PJA2: variants seen among roughly 807,000 people sequenced by gnomAD.
PJA2 encodes the protein praja ring finger ubiquitin ligase 2.
PJA2 carries 25 observed loss-of-function variants against 69.3 expected under a neutral mutation model. The observed-to-expected ratio is 0.36, with a 90% CI of 0.26 to 0.50. PJA2 has a LOEUF of 0.50. Ranked by LOEUF, PJA2 falls within the 20% of genes least tolerant of loss-of-function variation. PJA2 has a pLI of 0.96. For synonymous variants in PJA2, 308 were observed against 277.8 expected, an observed-to-expected ratio of 1.11 and a Z score of -1.08; for missense variants, 809 against 830.2, an observed-to-expected ratio of 0.97 and a Z score of 0.31.
At chr5:109,385,924 A>G (rs1477575097) in intron 1 of PJA2, among the ~76,000 whole-genome samples, 3 of 152,190 alleles carry the variant, frequency 2.0e-5, no homozygotes, top group Non-Finnish European at 2.9e-5. Flanking sequence ...GTAATTTTAT[A>G]CAATACTTTT....
chr5:109,372,095 T>C (rs1365765856), intron 4 of PJA2, among the ~76,000 whole-genome samples: 5 of 152,240 alleles, frequency 3.3e-5, no homozygotes, highest in Non-Finnish European at 5.9e-5. Flanking sequence ...CATTAAGTCC[T>C]GAATTTGATG....
At chr5:109,397,956 C>A (rs1023975906) in intron 1 of PJA2, among the ~76,000 whole-genome samples, 1 of 152,008 alleles carries the variant, frequency 6.6e-6, no homozygotes, top group Non-Finnish European at 1.5e-5. Context: ...AACAAACTTA[C>A]AAGAAAAAAA....
At chr5:109,358,996 C>A (rs1582597501) in intron 6 of PJA2, among the ~76,000 whole-genome samples, 2 of 152,142 alleles carry the variant, frequency 1.3e-5, no homozygotes, top group African/African-American at 4.8e-5. Context: ...GGGGCTTGAG[C>A]TGGGTAGGTG....
intron 4 of PJA2, among the ~76,000 whole-genome samples, chr5:109,376,812 T>G (rs1233819251): frequency 6.6e-6 from 1 of 152,172 alleles, no homozygotes; most frequent in South Asian, 2.1e-4. Flanking sequence ...GATTTAGAAC[T>G]ACTACTTAAC....
In PJA2 at chr5:109,369,246, G is replaced by T. The variant is rs565677210; in HGVS notation, c.1284-500C>A. On this transcript the variant is annotated intron_variant, in intron 4 of 9. Coordinates refer to ENST00000361189, the MANE Select transcript of PJA2 (RefSeq NM_014819.5). Reference sequence around the variant, plus strand: ...ATGAACTAATACACCAGACATCATAGTATAGAGTGGAGTGTCGATGCCACA... The same window carrying T: ...ATGAACTAATACACCAGACATCATATTATAGAGTGGAGTGTCGATGCCACA... Among the ~76,000 whole-genome samples, 4 of 152,306 alleles carry T rather than the reference G, an allele frequency of 2.6e-5. No individual in the cohort carries two copies. In the South Asian group the frequency reaches 8.3e-4, roughly 32 times the overall value.
intron 7 of PJA2, among the ~76,000 whole-genome samples, chr5:109,349,802 T>A (rs973308340): frequency 1.1e-4 from 17 of 152,186 alleles, no homozygotes; most frequent in Admixed American, 1.1e-3. Flanking sequence ...CTTTATTTCC[T>A]CCTAGCCAAT....
At chr5:109,371,549 A>G (rs1188177096) in intron 4 of PJA2, among the ~76,000 whole-genome samples, 1 of 152,146 alleles carries the variant, frequency 6.6e-6, no homozygotes, top group Non-Finnish European at 1.5e-5. Context: ...CCCTAGTTCA[A>G]ATGCTTTTCT....
intron 7 of PJA2, among the ~76,000 whole-genome samples, chr5:109,354,398 T>C (rs1762364881): frequency 7.0e-6 from 1 of 142,820 alleles, no homozygotes; most frequent in African/African-American, 2.7e-5. Context: ...CTCTGATATC[T>C]AGAGATATCT....
intron 9 of PJA2, among the ~76,000 whole-genome samples, chr5:109,341,862 C>T (rs1279160365): frequency 1.4e-3 from 116 of 80,130 alleles, no homozygotes; most frequent in Non-Finnish European, 1.7e-3. Flanking sequence ...CCGCCCCGTC[C>T]GGGAGGGAGG....
intron 3 of PJA2, among the ~76,000 whole-genome samples, chr5:109,381,092 C>T (rs1253065483): frequency 7.0e-6 from 1 of 142,890 alleles, no homozygotes; most frequent in Non-Finnish European, 1.5e-5. Context: ...CCATCCTGGG[C>T]AACAGAACGT....
In PJA2 at chr5:109,378,487, T is replaced by C. The variant is rs753101420; in HGVS notation, c.1000A>G (p.Asn334Asp). The C allele has an allele frequency of 1.9e-6, 3 of 1,614,186 alleles. No homozygotes were observed. The highest frequency in any genetic ancestry group is 2.5e-6 in the Non-Finnish European group (3 of 1,180,010). Reference sequence around the variant, plus strand: ...CTTCTTTGTTTCGCCTCATGCCTATTAAAACCTGTTTCTTGGTCCACCTGG... The same window carrying C: ...CTTCTTTGTTTCGCCTCATGCCTATCAAAACCTGTTTCTTGGTCCACCTGG... ...SSQVDQETGF[N>D]RHEAKQRSVQ... Residue 334 changes from asparagine (N) to aspartate (D), a missense_variant, in exon 4 of 10, where the codon AAT (asparagine) becomes GAT (aspartate). By Grantham distance (23) the Asn-to-Asp change is conservative. This residue lies in a region of PJA2 where 700 missense variants were observed against 639.5 expected (regional missense o/e 1.09). Transcript: ENST00000361189.
At chr5:109,399,160 G>A (rs971339017) in intron 1 of PJA2, among the ~76,000 whole-genome samples, 14 of 145,248 alleles carry the variant, frequency 9.6e-5, no homozygotes, top group African/African-American at 2.6e-4. Context: ...GCAGTGAGCC[G>A]AGATCACGCT....
chr5:109,402,566 T>C (rs1747578884), intron 1 of PJA2, among the ~76,000 whole-genome samples: 1 of 152,102 alleles, frequency 6.6e-6, no homozygotes, highest in South Asian at 2.1e-4. Context: ...TAAACAAACT[T>C]ACCATTATAC....
intron 6 of PJA2, among the ~76,000 whole-genome samples, chr5:109,360,137 A>T (rs1369188464): frequency 6.6e-6 from 1 of 152,238 alleles, no homozygotes; most frequent in Non-Finnish European, 1.5e-5. Context: ...AAATTCTATT[A>T]AGCCACAGTT....
chr5:109,354,091 TATCTAGA>T lies in PJA2; in HGVS notation c.1764+1817_1764+1823del, dbSNP rs1561345736. ...GAGATATCTATAGATTAGATATCTA[TATCTAGA>T]GATATCTATAGATTAGATATCTATG... is the stretch of plus-strand genomic sequence containing the variant. On this transcript the variant is annotated intron_variant, in intron 7 of 9. Coordinates refer to ENST00000361189, the MANE Select transcript of PJA2 (RefSeq NM_014819.5). Among the ~76,000 whole-genome samples, 1,113 of 126,256 alleles carry T rather than the reference TATCTAGA, an allele frequency of 8.8e-3. 5 individuals are homozygous for T. The highest frequency in any genetic ancestry group is 0.011 in the Non-Finnish European group (616 of 58,254). The allele number at this position is 126,256 out of a possible 152,430, so 82.8% of individuals were successfully genotyped here.
intron 9 of PJA2, among the ~76,000 whole-genome samples, chr5:109,339,619 T>C (rs901193331): frequency 6.6e-6 from 1 of 152,264 alleles, no homozygotes; most frequent in Non-Finnish European, 1.5e-5. Context: ...TTGGTGGCTC[T>C]GCATTTTCTG....
intron 1 of PJA2, among the ~76,000 whole-genome samples, chr5:109,387,390 G>C (rs960233466): frequency 6.6e-6 from 1 of 152,022 alleles, no homozygotes; most frequent in Admixed American, 6.6e-5. Context: ...CCATAGCTAG[G>C]GTCAAGATTA....
At chr5:109,352,600 T>C (rs1762271956) in intron 7 of PJA2, among the ~76,000 whole-genome samples, 1 of 152,128 alleles carries the variant, frequency 6.6e-6, no homozygotes, top group Admixed American at 6.6e-5. Context: ...TTTCCTAGTA[T>C]AGAGTATTTC....
In PJA2 at chr5:109,337,342, A is replaced by G. The variant is rs775247707; in HGVS notation, c.2016T>C (p.Pro672=). 9 of 1,610,922 alleles carry G rather than the reference A, an allele frequency of 5.6e-6. No individual in the cohort carries two copies. The highest frequency in any genetic ancestry group is 5.4e-5 in the African/African-American group (4 of 74,728). ...CAGGTGGGAAATGACGGCGGCACAC[A>G]GGGCATGTTCCCGACTGGAGAAAAA... The part of the protein sequence containing the change: ...SIWLQKSGTC[P]VCRRHFPPAV... Residue 672 remains proline, a synonymous_variant, in exon 10 of 10, where the codon CCT becomes CCC. Transcript: ENST00000361189.
Sources: gnomAD v4.1 joint callset for allele counts (sites outside exome capture counted in the v4.1 genomes callset) on GRCh38, gnomAD v4.1.1 for gene constraint, gnomAD v4.1.1 regional missense constraint, MANE v1.5 for transcripts, NCBI Gene and HGNC (gene_info 2026-07-23, HGNC 2026-07-21) for gene names.